ZNF276: variants seen among roughly 807,000 people sequenced by gnomAD.
ZNF276 encodes centromere protein Z.
Under a neutral mutation model 63.9 loss-of-function variants are expected in ZNF276, and 59 were observed. The observed-to-expected ratio is 0.92, with a 90% confidence interval of 0.75 to 1.15. ZNF276 has a LOEUF of 1.15. Among genes scored for constraint, ZNF276 ranks in the 50% most tolerant of loss-of-function variants. ZNF276 has a pLI of 0.00. For synonymous variants in ZNF276, 496 were observed against 348.4 expected, an observed-to-expected ratio of 1.42 and a Z score of -4.72; for missense variants, 1,084 against 843.8, an observed-to-expected ratio of 1.28 and a Z score of -3.53.
chr16:89,735,089 C>T (rs1259145204), intron 9 of ZNF276, among the ~76,000 whole-genome samples: 1 of 152,076 alleles, frequency 6.6e-6, no homozygotes, highest in Admixed American at 6.5e-5. Flanking sequence ...GCCGAGATCA[C>T]ACCACTGCAC....
chr16:89,732,538 G>C (rs553842871), intron 6 of ZNF276: 5 of 158,354 alleles, frequency 3.2e-5, no homozygotes, highest in African/African-American at 9.6e-5. Context: ...CTGTTCTGCC[G>C]TCCTGATACC....
At chr16:89,727,441 G>T (rs898941304) in intron 5 of ZNF276, 84 bp downstream of exon 5, 4 of 1,459,014 alleles carry the variant, frequency 2.7e-6, no homozygotes, top group Non-Finnish European at 3.8e-6. Flanking sequence ...GAGAAGAGTG[G>T]GTTTAAACAG....
intron 6 of ZNF276, chr16:89,731,758 ATTG>A (rs1406957840): frequency 6.6e-6 from 1 of 152,224 alleles, no homozygotes; most frequent in Non-Finnish European, 1.5e-5. Flanking sequence ...TTGCATATGT[ATTG>A]TTCATTGATA....
In ZNF276 at chr16:89,740,654, A is replaced by C. The variant is rs920842296; in HGVS notation, c.*2408A>C. 24 of 650,386 alleles carry C rather than the reference A, an allele frequency of 3.7e-5. No individual in the cohort carries two copies. The highest frequency in any genetic ancestry group is 1.7e-4 in the African/African-American group (9 of 53,068). 40.3% of individuals were successfully genotyped at this position (650,386 alleles called of 1,614,324 possible). On this transcript the variant is annotated 3_prime_UTR_variant, in exon 11 of 11. Coordinates refer to ENST00000443381, the MANE Select transcript of ZNF276 (RefSeq NM_001113525.2). ...CCCATCTCAAAAAAAAAAAAAAAAA[A>C]CCCACGGCCTGGGAGTTCTCACTCA...
At chr16:89,724,976 C>T (rs868235704) in intron 4 of ZNF276, among the ~76,000 whole-genome samples, 2 of 152,252 alleles carry the variant, frequency 1.3e-5, no homozygotes, top group Non-Finnish European at 2.9e-5. Context: ...GACAGAGTCT[C>T]GTTTTGTAGC....
chr16:89,724,908 C>T (rs538772160), intron 4 of ZNF276, among the ~76,000 whole-genome samples: 6 of 152,096 alleles, frequency 3.9e-5, no homozygotes, highest in South Asian at 2.1e-4. Context: ...ACTTATCTAC[C>T]TATTTATCTA....
rs1007696829 is a variant in ZNF276, at chr16:89,737,905, A to C, written c.1574A>C (p.Gln525Pro). The stretch of plus-strand genomic sequence containing the variant: ...CGACATTCGGGAGCCAAGCCTTTGC[A>C]GTAAGTGTGAGTCAGGACCCCCTCC... ...QMRHSGAKPL[Q>P]CEVCGFQCRQ... is the part of the protein sequence containing the mutation. Residue 525 changes from glutamine to proline, a missense_variant and splice_region_variant, in exon 10 of 11, where the codon CAG becomes CCG. Coordinates refer to ENST00000443381, the MANE Select transcript of ZNF276 (RefSeq NM_001113525.2). The C allele has an allele frequency of 6.3e-7, 1 of 1,596,362 alleles. No homozygotes were observed. The highest frequency in any genetic ancestry group is 1.7e-4 in the Middle Eastern group (1 of 6,056).
intron 6 of ZNF276, among the ~76,000 whole-genome samples, chr16:89,731,358 A>T (rs886086932): frequency 6.6e-6 from 1 of 152,132 alleles, no homozygotes; most frequent in African/African-American, 2.4e-5. Flanking sequence ...AGTTCAAGTG[A>T]TTCTCCTGCC....
At chr16:89,730,698 G>C (rs1272778177) in intron 6 of ZNF276, among the ~76,000 whole-genome samples, 7 of 152,188 alleles carry the variant, frequency 4.6e-5, no homozygotes, top group Non-Finnish European at 1.0e-4. Flanking sequence ...GTGGTAGCAA[G>C]CATGGCCTCC....
Position 89,723,586 on chromosome 16 carries a change from G to C in ZNF276, c.883G>C (p.Val295Leu), listed in dbSNP as rs770291836. 3 of 1,612,856 alleles carry C rather than the reference G, an allele frequency of 1.9e-6. No individual in the cohort carries two copies. In the South Asian group the frequency reaches 3.3e-5, roughly 18 times the overall value. ...CCAGGGTAGAGGGACAGGGACCCCAGTTGGGGCTGAGACCAAGACCCTGCC... is the reference window on the plus strand; with the variant it reads ...CCAGGGTAGAGGGACAGGGACCCCACTTGGGGCTGAGACCAAGACCCTGCC... ...TSQGRGTGTP[V>L]GAETKTLPST... The change falls in exon 4 of 11, where the codon GTT becomes CTT. Residue 295 changes from valine to leucine, a missense_variant. Coordinates refer to ENST00000443381, the MANE Select transcript of ZNF276 (RefSeq NM_001113525.2).
chr16:89,723,082 G>C (rs1468948019), intron 2 of ZNF276, 55 bp from the exon 3 acceptor site: 3 of 1,612,434 alleles, frequency 1.9e-6, no homozygotes, highest in Non-Finnish European at 2.5e-6. Context: ...CGTACGACGA[G>C]CGCTGTGAAC....
intron 9 of ZNF276, chr16:89,737,563 T>C: frequency 1.6e-6 from 1 of 608,108 alleles, no homozygotes; most frequent in African/African-American, 1.9e-5. Context: ...GGAAATAGCT[T>C]TCTGAGGTTT....
rs1474458892 is a variant in ZNF276, at chr16:89,734,047, A to C, written c.1474+9A>C. ...GAAGCTCATCCACACAGGTACGCCT[A>C]TCGCCAGTGTCGCCCACGCGGGTGA... On this transcript the variant is annotated intron_variant, in intron 9 of 10. Transcript: ENST00000443381. The C allele has an allele frequency of 6.2e-7, 1 of 1,612,742 alleles. No homozygotes were observed.
Position 89,739,043 on chromosome 16 carries a change from G to A in ZNF276, c.*797G>A. The stretch of plus-strand genomic sequence containing the variant: ...AAACAGGGCTGGTGTGTCCCCCATA[G>A]TCTGCATGCTGTGCCGGAACATTCT... On this transcript the variant is annotated 3_prime_UTR_variant, in exon 11 of 11. Coordinates refer to ENST00000443381, the MANE Select transcript of ZNF276 (RefSeq NM_001113525.2). The A allele has an allele frequency of 6.2e-7, 1 of 1,614,022 alleles. No homozygotes were observed. The highest frequency in any genetic ancestry group is 2.2e-5 in the East Asian group (1 of 44,888).
chr16:89,723,785 A>G, intron 4 of ZNF276, 76 bp downstream of exon 4: 3 of 1,412,754 alleles, frequency 2.1e-6, no homozygotes, highest in African/African-American at 1.4e-5. Context: ...CAGAAAGTGA[A>G]TGTCTCCACT....
chr16:89,723,345 C>G lies in ZNF276; in HGVS notation c.642C>G (p.Pro214=), dbSNP rs1164836269. The change falls in exon 4 of 11, where the codon CCC becomes CCG. Residue 214 remains proline, a synonymous_variant. Coordinates refer to ENST00000443381, the MANE Select transcript of ZNF276 (RefSeq NM_001113525.2). Reference sequence around the variant, plus strand: ...ATGCGGCCAGCTGCGGGGCCCTGCCCCACCTTCAGAGGACACTGTCCTCCG... The same window carrying G: ...ATGCGGCCAGCTGCGGGGCCCTGCCGCACCTTCAGAGGACACTGTCCTCCG... ...HGHAASCGAL[P]HLQRTLSSEY... 6.2e-7 allele frequency: 1 copy of G among 1,612,922 alleles called. No homozygotes were observed. The highest frequency in any genetic ancestry group is 1.7e-5 in the Admixed American group (1 of 60,006).
In ZNF276 at chr16:89,739,236, T is replaced by A. The variant is rs145886270; in HGVS notation, c.*990T>A. On this transcript the variant is annotated 3_prime_UTR_variant, in exon 11 of 11. Coordinates refer to ENST00000443381, the MANE Select transcript of ZNF276 (RefSeq NM_001113525.2). ...CTTCAAGTACATGTCCACAGCAACA[T>A]GCAGGAAGGCCTCTTCCCTGATGGC... 146 of 1,614,150 alleles carry A rather than the reference T, an allele frequency of 9.0e-5. No individual in the cohort carries two copies. The highest frequency in any genetic ancestry group is 1.4e-4 in the South Asian group (13 of 91,092).
chr16:89,736,034 G>A (rs1264446572), intron 9 of ZNF276, among the ~76,000 whole-genome samples: 2 of 152,084 alleles, frequency 1.3e-5, no homozygotes, highest in African/African-American at 2.4e-5. Context: ...TGGGACTACA[G>A]GTGCTGGCCA....
Position 89,733,393 on chromosome 16 carries a change from A to C in ZNF276, c.1261A>C (p.Lys421Gln), listed in dbSNP as rs912275247. The change falls in exon 7 of 11, where the codon AAG (lysine) becomes CAG (glutamine). Residue 421 changes from lysine to glutamine, a missense_variant. By Grantham distance (53) the Lys-to-Gln change is moderately conservative. Transcript: ENST00000443381. ...GCCGGGACCCAAGCCCGGATGGAAG[A>C]AGAAGCTTCGTTGTGAGAGGTGATG... is the stretch of plus-strand genomic sequence containing the variant. ...KKPGPKPGWK[K>Q]KLRCEREELP... is the part of the protein sequence containing the mutation. 9.3e-6 allele frequency: 15 copies of C among 1,614,154 alleles called. No homozygotes were observed. The East Asian group carries it at 2.0e-4, about 22-fold the overall frequency.
Sources: allele counts gnomAD v4.1 joint callset (sites outside exome capture counted in the v4.1 genomes callset), GRCh38; gene constraint gnomAD v4.1.1; transcripts MANE v1.5; gene names NCBI Gene and HGNC (gene_info 2026-07-23, HGNC 2026-07-21).